The following LEPR variants were observed in gnomAD, a reference collection of about 807,000 sequenced individuals.
LEPR encodes the protein leptin receptor, also known as OB receptor.
Under a neutral mutation model 114.7 loss-of-function variants are expected in LEPR, and 56 were observed. The observed-to-expected ratio is 0.49, with a 90% CI of 0.39 to 0.61. The LOEUF (loss-of-function observed/expected upper bound fraction) is 0.61, where lower values mean the gene tolerates loss of function less well. Among genes scored for constraint, LEPR ranks in the 20% least tolerant of loss-of-function variants. The pLI is 0.00. For synonymous variants in LEPR, 443 were observed against 461.4 expected (o/e 0.96, Z 0.51); for missense variants, 1,202 against 1,352.9 (o/e 0.89, Z 1.75).
chr1:65,588,674 CTT>C (rs1482330832), intron 5 of LEPR, among the ~76,000 whole-genome samples: 20 of 151,952 alleles, frequency 1.3e-4, no homozygotes, highest in Admixed American at 1.3e-3. Flanking sequence ...TTTTTTAGAA[CTT>C]TATATAAATG....
At chr1:65,433,053 GCAGGGAGGCTGGGCTC>G (rs1326529628) in intron 2 of LEPR, 2 of 985,270 alleles carry the variant, frequency 2.0e-6, no homozygotes, top group African/African-American at 3.5e-5. Flanking sequence ...TGAGATGCGG[GCAGGGAGGCTGGGCTC>G]GAGCCAGCCC....
At chr1:65,435,892 A>G in intron 2 of LEPR, 4 of 984,484 alleles carry the variant, frequency 4.1e-6, no homozygotes, top group Non-Finnish European at 4.8e-6. Flanking sequence ...AATAGCTCAT[A>G]AATTATAATC....
At position 65,637,994 on chromosome 1, in the gene LEPR, T is replaced by C. The variant is rs1658767627; in HGVS notation, c.*979T>C. 1 of 152,212 alleles carries C rather than the reference T, an allele frequency of 6.6e-6. No homozygotes were observed. Among genetic ancestry groups the C allele is most frequent in the Non-Finnish European group, 1.5e-5 (1 of 68,046 alleles). The allele number at this position is 152,212 out of a possible 1,614,324, so 9.4% of individuals were successfully genotyped here. A position where few individuals can be genotyped will look rare whatever the true frequency, so the allele number is the denominator to read the frequency against. ...ATCCAGATTTTTTAATGCTAATGAT[T>C]ATGTTTTTAACCTATACCCTACATA... On this transcript the variant is annotated 3_prime_UTR_variant, in exon 20 of 20. Coordinates refer to ENST00000349533, the MANE Select transcript of LEPR (RefSeq NM_002303.6).
chr1:65,517,679 G>T (rs753908914), intron 2 of LEPR, among the ~76,000 whole-genome samples: 1 of 152,102 alleles, frequency 6.6e-6, no homozygotes, highest in Non-Finnish European at 1.5e-5. Context: ...TGTGGTAGGG[G>T]CCTTAATCAC....
At chr1:65,550,678 G>A (rs540951802) in intron 2 of LEPR, among the ~76,000 whole-genome samples, 1 of 152,204 alleles carries the variant, frequency 6.6e-6, no homozygotes, top group Admixed American at 6.5e-5. Context: ...GAAAAGCTCA[G>A]TATTCAGGTG....
intron 2 of LEPR, among the ~76,000 whole-genome samples, chr1:65,530,612 T>C (rs1464807699): frequency 6.6e-6 from 1 of 152,170 alleles, no homozygotes; most frequent in East Asian, 1.9e-4. Flanking sequence ...TTCATGGCGC[T>C]GGTGGGAGTG....
chr1:65,532,211 C>G (rs1424547422), intron 2 of LEPR, among the ~76,000 whole-genome samples: 1 of 152,122 alleles, frequency 6.6e-6, no homozygotes, highest in Admixed American at 6.6e-5. Context: ...TGCAAAGTCT[C>G]CTATGGACTA....
intron 2 of LEPR, among the ~76,000 whole-genome samples, chr1:65,516,733 A>G (rs1649307593): frequency 6.6e-6 from 1 of 152,358 alleles, no homozygotes; most frequent in East Asian, 1.9e-4. Flanking sequence ...AAATCTAAGA[A>G]TATACTTGAA....
chr1:65,574,589 T>C (rs182726147), intron 5 of LEPR, among the ~76,000 whole-genome samples: 24 of 152,310 alleles, frequency 1.6e-4, no homozygotes, highest in Non-Finnish European at 2.5e-4. Flanking sequence ...ACTTACTAAA[T>C]GCACTCACAA....
chr1:65,611,164 T>A (rs1008509275), intron 14 of LEPR, among the ~76,000 whole-genome samples: 11 of 152,204 alleles, frequency 7.2e-5, no homozygotes, highest in South Asian at 2.1e-4. Context: ...CCTTAAAAAA[T>A]TTAGTTTCTT....
At chr1:65,585,077 AT>A (rs1046185310) in intron 5 of LEPR, among the ~76,000 whole-genome samples, 2 of 151,850 alleles carry the variant, frequency 1.3e-5, no homozygotes, top group African/African-American at 4.8e-5. Flanking sequence ...CTAGGAATCT[AT>A]TTTTTCACAA....
In LEPR at chr1:65,420,718, G is replaced by C. The variant is rs1243885411; in HGVS notation, c.-119G>C. ...CCGGAAGCAGCCGCGGCCCCAGTTC[G>C]GGAGACATGGCGGGCGTTAAAGGTA... On this transcript the variant is annotated 5_prime_UTR_variant, in exon 1 of 20. Transcript: ENST00000349533. 1.3e-6 allele frequency: 2 copies of C among 1,583,632 alleles called. No individual in the cohort carries two copies. The highest frequency in any genetic ancestry group is 1.9e-5 in the Admixed American group (1 of 53,470).
chr1:65,583,415 A>G (rs1408864388), intron 5 of LEPR, among the ~76,000 whole-genome samples: 1 of 152,186 alleles, frequency 6.6e-6, no homozygotes, highest in African/African-American at 2.4e-5. Flanking sequence ...GAATTCATAG[A>G]GGTCTGGGAA....
At chr1:65,480,898 GT>G (rs1647219173) in intron 2 of LEPR, among the ~76,000 whole-genome samples, 1 of 152,134 alleles carries the variant, frequency 6.6e-6, no homozygotes, top group Non-Finnish European at 1.5e-5. Flanking sequence ...AGAAAAAAAT[GT>G]TTTGAACAAC....
At chr1:65,477,598 A>C (rs532829273) in intron 2 of LEPR, among the ~76,000 whole-genome samples, 19 of 152,344 alleles carry the variant, frequency 1.2e-4, no homozygotes, top group African/African-American at 4.6e-4. Context: ...GCAACACCAA[A>C]GGAGTGTACA....
At chr1:65,596,633 T>C (rs1474644459) in intron 7 of LEPR, 40 bp downstream of exon 7, 1 of 1,578,780 alleles carries the variant, frequency 6.3e-7, no homozygotes, top group Non-Finnish European at 8.7e-7. Context: ...AGTTGAGAAG[T>C]AAATAAAGAC....
Position 65,596,612 on chromosome 1 carries a change from G to A in LEPR, c.849+19G>A. ...CAGAGAAGTAAGTATATTTTAGTAA[G>A]TAAAAGGAAAAGTTGAGAAGTAAAT... On this transcript the variant is annotated intron_variant, in intron 7 of 19. Coordinates refer to ENST00000349533, the MANE Select transcript of LEPR (RefSeq NM_002303.6). 1 of 1,608,164 alleles carries A rather than the reference G, an allele frequency of 6.2e-7. No homozygotes were observed. Among genetic ancestry groups the A allele is most frequent in the South Asian group, 1.1e-5 (1 of 90,848 alleles).
At chr1:65,470,916 T>A (rs545518713) in intron 2 of LEPR, among the ~76,000 whole-genome samples, 22 of 152,290 alleles carry the variant, frequency 1.4e-4, no homozygotes, top group African/African-American at 5.3e-4. Flanking sequence ...TTGATAGTCA[T>A]TTGGGAGCAG....
intron 2 of LEPR, among the ~76,000 whole-genome samples, chr1:65,556,593 G>T (rs1006666703): frequency 6.6e-6 from 1 of 152,088 alleles, no homozygotes; most frequent in South Asian, 2.1e-4. Context: ...CCAAAAAATG[G>T]TTAAGAATCA....
Sources: allele counts gnomAD v4.1 joint callset (sites outside exome capture counted in the v4.1 genomes callset), GRCh38; gene constraint gnomAD v4.1.1; transcripts MANE v1.5; gene names NCBI Gene and HGNC (gene_info 2026-07-23, HGNC 2026-07-21).